The following PEX6 variants were observed in gnomAD, a reference collection of about 807,000 sequenced individuals.
The protein encoded by PEX6 is peroxisome biogenesis factor 6.
A neutral mutation model predicts 85.6 loss-of-function variants in PEX6; 55 were observed. The observed-to-expected ratio is 0.64, with a 90% CI of 0.52 to 0.80. The LOEUF (loss-of-function observed/expected upper bound fraction) is 0.80. PEX6 is among the 30% of genes least tolerant of loss of function. PEX6 has a pLI of 0.00. For synonymous variants in PEX6, 519 were observed against 549.1 expected, an observed-to-expected ratio of 0.95 and a Z score of 0.77; for missense variants, 1,099 against 1,260.3, an observed-to-expected ratio of 0.87 and a Z score of 1.94.
chr6:42,967,367 C>G lies in PEX6; in HGVS notation c.1884+1G>C. On this transcript the variant is annotated splice_donor_variant, in intron 8 of 16. Transcript: ENST00000304611. LOFTEE classifies it high-confidence loss of function. ...GGCCAGTACTCTCCCTTGATACTCA[C>G]TGCACACCGCCGTGCTAGCTGTGCC... The G allele has an allele frequency of 6.2e-7, 1 of 1,611,922 alleles. No homozygotes were observed. Among genetic ancestry groups the G allele is most frequent in the Non-Finnish European group, 8.5e-7 (1 of 1,179,356 alleles).
In PEX6 at chr6:42,965,866, A is replaced by T; in HGVS notation, c.2363-77T>A. The T allele has an allele frequency of 6.5e-6, 9 of 1,388,248 alleles. No individual in the cohort carries two copies. In the Admixed American group the frequency reaches 1.5e-4, roughly 23 times the overall value. 86.0% of individuals were successfully genotyped at this position (1,388,248 alleles called of 1,614,324 possible). A position where few individuals can be genotyped will look rare whatever the true frequency, so the allele number is the denominator to read the frequency against. ...TGAAGTTAGGTGAGAGCAGGGAGGG[A>T]AACTGGGGCCTGACAATACAGCACT... On this transcript the variant is annotated intron_variant, in intron 12 of 16. Transcript: ENST00000304611. The surrounding 1 kb of genome is among the most constrained non-coding windows in gnomAD (Gnocchi z 5.0).
chr6:42,974,142 C>A, intron 2 of PEX6, 56 bp from the exon 3 acceptor site: 2 of 1,311,464 alleles, frequency 1.5e-6, no homozygotes, highest in South Asian at 1.2e-5. Flanking sequence ...AGCATGTGTT[C>A]ATTACCACAT....
At position 42,978,800 on chromosome 6, in the gene PEX6, T is replaced by G. The variant is rs1473284677; in HGVS notation, c.351A>C (p.Gly117=). Residue 117 remains glycine, a synonymous_variant, in exon 1 of 17, where the codon GGA becomes GGC. Coordinates refer to ENST00000304611, the MANE Select transcript of PEX6 (RefSeq NM_000287.4). The stretch of plus-strand genomic sequence containing the variant: ...TCACCAGCAGCGGCCCGACTCGCGG[T>G]CCGAGCCCAGGCCCCAGCGAGGTGC... ...LLGTSLGPGL[G]PRVGPLLVRR... 6.5e-7 allele frequency: 1 copy of G among 1,533,362 alleles called. No homozygotes were observed. Among genetic ancestry groups the G allele is most frequent in the Non-Finnish European group, 8.7e-7 (1 of 1,146,438 alleles). The allele number at this position is 1,533,362 out of a possible 1,614,324, so 95.0% of individuals were successfully genotyped here.
chr6:42,975,957 C>T (rs746803202), intron 1 of PEX6, among the ~76,000 whole-genome samples: 3 of 151,950 alleles, frequency 2.0e-5, no homozygotes, highest in African/African-American at 4.8e-5. Flanking sequence ...GGCACCATCT[C>T]GGCTCACTGC....
At chr6:42,967,115 A>T (rs936209022) in intron 8 of PEX6, among the ~76,000 whole-genome samples, 1 of 151,886 alleles carries the variant, frequency 6.6e-6, no homozygotes, top group African/African-American at 2.4e-5. Flanking sequence ...GATTACAGGC[A>T]TGTGCCACCA....
At chr6:42,978,179 G>A in intron 1 of PEX6, 90 bp downstream of exon 1, 1 of 1,446,270 alleles carries the variant, frequency 6.9e-7, no homozygotes, top group Non-Finnish European at 9.7e-7. Flanking sequence ...GATGATATGG[G>A]GCACGAGTCC....
Position 42,964,539 on chromosome 6 carries a change from T to C in PEX6, c.2807-68A>G. The C allele has an allele frequency of 6.3e-7, 1 of 1,577,158 alleles. No homozygotes were observed. The highest frequency in any genetic ancestry group is 1.1e-5 in the South Asian group (1 of 90,232). On this transcript the variant is annotated intron_variant, in intron 16 of 16. Transcript: ENST00000304611. The surrounding 1 kb of genome is among the most constrained non-coding windows in gnomAD (Gnocchi z 4.6). ...AGGGGAGAGCCCTGCGAAGGTGGCT[T>C]CCTGCTCAGGGTCTCCTAGATGTCA...
chr6:42,965,773 C>T lies in PEX6; in HGVS notation c.2379G>A (p.Arg793=), dbSNP rs1769771037. Residue 793 remains arginine (R), a synonymous_variant, in exon 13 of 17, where the codon AGG becomes AGA. Coordinates refer to ENST00000304611, the MANE Select transcript of PEX6 (RefSeq NM_000287.4). This position sits in a 1 kb window ranked among gnomAD's most constrained non-coding sequence, Gnocchi z 5.0. The part of the protein sequence containing the change: ...ENVREVFARA[R]AAAPCIIFFD... The stretch of plus-strand genomic sequence containing the variant: ...AGAAGATAATGCATGGAGCTGCAGC[C>T]CTGGCCCTGGCAAACACTGAAGAGA... The T allele has an allele frequency of 3.7e-6, 6 of 1,613,972 alleles. No homozygotes were observed. Among genetic ancestry groups the T allele is most frequent in the Non-Finnish European group, 5.1e-6 (6 of 1,179,908 alleles).
chr6:42,978,532 C>T lies in PEX6; in HGVS notation c.619G>A (p.Val207Met). The T allele has an allele frequency of 6.2e-7, 1 of 1,614,028 alleles. No individual in the cohort carries two copies. The highest frequency in any genetic ancestry group is 8.5e-7 in the Non-Finnish European group (1 of 1,180,034). Residue 207 changes from valine (V) to methionine (M), a missense_variant, in exon 1 of 17, where the codon GTG becomes ATG. This residue lies in a region of PEX6 where 579 missense variants were observed against 611.6 expected (regional missense o/e 0.95). Coordinates refer to ENST00000304611, the MANE Select transcript of PEX6 (RefSeq NM_000287.4). ...AGGCCACGGAGACAGCTCCGGCTCA[C>T]CCCTAGTGAATCTCCAGTCCCTCCC... Reference protein sequence around the residue: ...VLGGTGDSLGVSRSCLRGLGL... With the variant: ...VLGGTGDSLGMSRSCLRGLGL...
intron 6 of PEX6, 22 bp from the exon 7 acceptor site, chr6:42,968,520 G>A (rs1406428655): frequency 1.3e-6 from 2 of 1,546,208 alleles, no homozygotes; most frequent in South Asian, 1.2e-5. Context: ...ATCCCAATGG[G>A]TCTGTGAGCA....
intron 3 of PEX6, among the ~76,000 whole-genome samples, chr6:42,973,680 C>T (rs1264212330): frequency 1.3e-5 from 2 of 152,124 alleles, no homozygotes; most frequent in Admixed American, 1.3e-4. Flanking sequence ...TGGCGAAACC[C>T]TATCTCTACT....
Position 42,978,883 on chromosome 6 carries a change from C to T in PEX6, c.268G>A (p.Ala90Thr), listed in dbSNP as rs1770435011. 2.0e-6 allele frequency: 3 copies of T among 1,489,864 alleles called. No individual in the cohort carries two copies. Among genetic ancestry groups the T allele is most frequent in the South Asian group, 1.3e-5 (1 of 78,858 alleles). 92.3% of individuals were successfully genotyped at this position (1,489,864 alleles called of 1,614,324 possible). The change falls in exon 1 of 17, where the codon GCC becomes ACC. Residue 90 changes from alanine to threonine, a missense_variant. By Grantham distance (58) the Ala-to-Thr change is moderately conservative. Around this residue, in one of 3 missense-constraint regions of PEX6, gnomAD observed 579 missense variants for 611.6 expected, o/e 0.95. Coordinates refer to ENST00000304611, the MANE Select transcript of PEX6 (RefSeq NM_000287.4). Reference protein sequence around the residue: ...LLRLLALGSGAWVRARAVRRP... With the variant: ...LLRLLALGSGTWVRARAVRRP... ...CGCACCGCCCGCGCCCGCACCCAGG[C>T]CCCGGAGCCCAGTGCCAGGAGCCGC...
intron 8 of PEX6, 90 bp from the exon 9 acceptor site, chr6:42,966,948 T>G (rs1769835080): frequency 1.1e-6 from 1 of 889,582 alleles, no homozygotes; most frequent in African/African-American, 1.7e-5. Context: ...AGGCCCTCTG[T>G]TGATGCCTTA....
chr6:42,975,820 C>CT (rs1410631382), intron 1 of PEX6, among the ~76,000 whole-genome samples: 3 of 151,548 alleles, frequency 2.0e-5, no homozygotes, highest in Non-Finnish European at 4.4e-5. Flanking sequence ...AAATGATTCT[C>CT]TTTGTGCCTC....
chr6:42,967,049 C>T (rs1410515922), intron 8 of PEX6, among the ~76,000 whole-genome samples, 191 bp from the exon 9 acceptor site: 8 of 150,196 alleles, frequency 5.3e-5, no homozygotes, highest in Non-Finnish European at 4.4e-5. Flanking sequence ...CTCGGCTCAC[C>T]GCAACTTCCA....
Position 42,965,414 on chromosome 6 carries a change from G to T in PEX6, c.2472-46C>A. On this transcript the variant is annotated intron_variant, in intron 13 of 16. Coordinates refer to ENST00000304611, the MANE Select transcript of PEX6 (RefSeq NM_000287.4). This position sits in a 1 kb window ranked among gnomAD's most constrained non-coding sequence, Gnocchi z 5.0. ...GCAAGAGTCCTTGGTGTCCCCCTTA[G>T]ACTCTGCCCCTGCCTGTGGTACCTC... 7.2e-7 allele frequency: 1 copy of T among 1,395,374 alleles called. No homozygotes were observed. The highest frequency in any genetic ancestry group is 1.2e-5 in the South Asian group (1 of 86,634). 86.4% of individuals were successfully genotyped at this position (1,395,374 alleles called of 1,614,324 possible). A position where few individuals can be genotyped will look rare whatever the true frequency, so the allele number is the denominator to read the frequency against.
rs776213939 is a variant in PEX6 at position 42,978,736 on chromosome 6, G to A, written c.415C>T (p.Leu139=). ...ETLPVPGPRV[L]ETRPALQGLL... is the part of the protein sequence containing the mutation. Reference sequence around the variant, plus strand: ...CCTTGCAACGCCGGCCGCGTCTCCAGCACCCGCGGTCCGGGCACTGGGAGG... The same window carrying A: ...CCTTGCAACGCCGGCCGCGTCTCCAACACCCGCGGTCCGGGCACTGGGAGG... The change falls in exon 1 of 17, where the codon CTG becomes TTG. Residue 139 remains leucine, a synonymous_variant. Coordinates refer to ENST00000304611, the MANE Select transcript of PEX6 (RefSeq NM_000287.4). The A allele has an allele frequency of 1.3e-6, 2 of 1,537,724 alleles. No homozygotes were observed. The highest frequency in any genetic ancestry group is 1.2e-5 in the South Asian group (1 of 84,334).
chr6:42,972,841 A>G (rs950952684), intron 3 of PEX6, among the ~76,000 whole-genome samples: 1 of 150,606 alleles, frequency 6.6e-6, no homozygotes, highest in Non-Finnish European at 1.5e-5. Flanking sequence ...GTTTGTGCAC[A>G]CTCCGTAGTT....
Position 42,965,880 on chromosome 6 carries a change from C to T in PEX6, c.2363-91G>A, listed in dbSNP as rs1234647349. The T allele has an allele frequency of 7.6e-7, 1 of 1,312,668 alleles. No homozygotes were observed. The highest frequency in any genetic ancestry group is 1.1e-6 in the Non-Finnish European group (1 of 909,788). The allele number at this position is 1,312,668 out of a possible 1,614,324, so 81.3% of individuals were successfully genotyped here. On this transcript the variant is annotated intron_variant, in intron 12 of 16. Transcript: ENST00000304611. This position sits in a 1 kb window ranked among gnomAD's most constrained non-coding sequence, Gnocchi z 5.0. The stretch of plus-strand genomic sequence containing the variant: ...AGCAGGGAGGGAAACTGGGGCCTGA[C>T]AATACAGCACTGGCATCCCAGGTAC...
Sources: allele counts gnomAD v4.1 joint callset (sites outside exome capture counted in the v4.1 genomes callset), GRCh38; gene constraint gnomAD v4.1.1; regional missense constraint gnomAD v4.1.1; non-coding constraint Gnocchi (gnomAD v3.1); transcripts MANE v1.5; gene names NCBI Gene and HGNC (gene_info 2026-07-23, HGNC 2026-07-21).